Variants in RNF175 observed in about 807,000 individuals in gnomAD.
RNF175 encodes the protein ring finger protein 175.
RNF175 carries 38 observed loss-of-function variants against 50.0 expected under a neutral mutation model. The ratio of observed to expected loss-of-function variants is 0.76; its 90% CI spans 0.59 to 1.00. The LOEUF is 1.00. RNF175 is among the 50% of genes least tolerant of loss of function. RNF175 has a pLI of 0.00. For synonymous variants in RNF175, 155 were observed against 146.1 expected (o/e 1.06, Z -0.44); for missense variants, 388 against 409.6 (o/e 0.95, Z 0.46).
chr4:153,734,665 C>CTTTTTTTTTTTTTTTTTT (rs56211482), intron 3 of RNF175, among the ~76,000 whole-genome samples: 5 of 73,178 alleles, frequency 6.8e-5, no homozygotes, highest in African/African-American at 1.7e-4. Flanking sequence ...TTTTTTTATT[C>CTTTTTTTTTTTTTTTTTT]TTTTTTTTTT....
At chr4:153,725,574 T>C (rs890032533) in intron 4 of RNF175, among the ~76,000 whole-genome samples, 2 of 152,240 alleles carry the variant, frequency 1.3e-5, no homozygotes, top group Non-Finnish European at 2.9e-5. Context: ...AAGCGGTTTG[T>C]TGAATTAATG....
At chr4:153,717,084 C>T (rs940189445) in intron 6 of RNF175, among the ~76,000 whole-genome samples, 2 of 152,076 alleles carry the variant, frequency 1.3e-5, no homozygotes, top group African/African-American at 4.8e-5. Context: ...CTATTCTCTT[C>T]CACTTATTTA....
rs200790774 is a variant in RNF175 at position 153,710,544 on chromosome 4, A to G, written c.867-55T>C. 5.1e-4 allele frequency: 786 copies of G among 1,534,002 alleles called. 7 individuals are homozygous for G. The highest frequency in any genetic ancestry group is 9.7e-4 in the Admixed American group (55 of 56,466). On this transcript the variant is annotated intron_variant, in intron 8 of 8. Transcript: ENST00000347063. ...ATACAGCCAAGTAGCAGAAATATTC[A>G]TAAATGTCATTTGCAAATATAATAA...
chr4:153,734,586 A>G (rs980971449), intron 3 of RNF175, among the ~76,000 whole-genome samples: 2 of 150,656 alleles, frequency 1.3e-5, no homozygotes, highest in African/African-American at 4.9e-5. Flanking sequence ...TTGAGTTTTA[A>G]GTATATTTTG....
intron 5 of RNF175, chr4:153,721,262 A>C (rs1250260496): frequency 6.6e-6 from 1 of 152,200 alleles, no homozygotes; most frequent in Non-Finnish European, 1.5e-5. Context: ...TCTATCTATA[A>C]AACAATCTCA....
At chr4:153,741,244 A>T (rs1343817112) in intron 3 of RNF175, among the ~76,000 whole-genome samples, 1 of 152,176 alleles carries the variant, frequency 6.6e-6, no homozygotes, top group Admixed American at 6.5e-5. Flanking sequence ...ATATTGGATG[A>T]GGCTCTGATC....
chr4:153,757,683 T>A (rs1357297890), intron 1 of RNF175, among the ~76,000 whole-genome samples: 1 of 151,850 alleles, frequency 6.6e-6, no homozygotes, highest in Non-Finnish European at 1.5e-5. Context: ...TCCTCTCAGC[T>A]CTCAGGAGAA....
At chr4:153,713,909 TTC>T (rs1266709329) in intron 7 of RNF175, 1 of 152,218 alleles carries the variant, frequency 6.6e-6, no homozygotes, top group Non-Finnish European at 1.5e-5. Context: ...CTCTCTAATG[TTC>T]TTTTTCATTT....
At chr4:153,734,316 C>T (rs1002587071) in intron 3 of RNF175, among the ~76,000 whole-genome samples, 5 of 152,168 alleles carry the variant, frequency 3.3e-5, no homozygotes, top group African/African-American at 9.7e-5. Flanking sequence ...TTCCCAACAA[C>T]GAGAGTTCCT....
chr4:153,723,368 T>C lies in RNF175; in HGVS notation c.492A>G (p.Gly164=), dbSNP rs1489082449. 3 of 1,568,012 alleles carry C rather than the reference T, an allele frequency of 1.9e-6. No individual in the cohort carries two copies. Among genetic ancestry groups the C allele is most frequent in the Non-Finnish European group, 2.6e-6 (3 of 1,138,502 alleles). Residue 164 remains glycine (G), a synonymous_variant, in exon 5 of 9, where the codon GGA becomes GGG. Transcript: ENST00000347063. ...GYLAIMFTMC[G]FNLFFKIKAR... ...ATACTTACTTGAAAAACAGATTGAA[T>C]CCACACATTGTAAACATGATCGCCA...
chr4:153,724,426 T>C (rs1270112551), intron 4 of RNF175, among the ~76,000 whole-genome samples: 1 of 152,214 alleles, frequency 6.6e-6, no homozygotes, highest in East Asian at 1.9e-4. Context: ...AGAAAGCTGC[T>C]TACAAGGGTG....
chr4:153,729,863 T>A (rs1056064584), intron 3 of RNF175: 5 of 930,292 alleles, frequency 5.4e-6, no homozygotes, highest in Non-Finnish European at 6.4e-6. Flanking sequence ...TTTTTGTTTT[T>A]TAACTTCAAG....
At chr4:153,738,722 T>C (rs1739483939) in intron 3 of RNF175, among the ~76,000 whole-genome samples, 1 of 152,258 alleles carries the variant, frequency 6.6e-6, no homozygotes. Flanking sequence ...TTGAAGTGAT[T>C]ATTGATATAG....
chr4:153,738,845 T>C (rs559289171), intron 3 of RNF175, among the ~76,000 whole-genome samples: 1 of 152,206 alleles, frequency 6.6e-6, no homozygotes, highest in Non-Finnish European at 1.5e-5. Flanking sequence ...TTTTATGAGA[T>C]TCCATTTTCT....
intron 1 of RNF175, among the ~76,000 whole-genome samples, chr4:153,755,395 AAC>A (rs532426483): frequency 9.0e-4 from 137 of 152,384 alleles, no homozygotes; most frequent in South Asian, 2.9e-3. Flanking sequence ...GACACAAGTG[AAC>A]AGTCAAAGAT....
chr4:153,728,050 T>G (rs1738807833), intron 4 of RNF175, among the ~76,000 whole-genome samples, 157 bp downstream of exon 4: 1 of 152,208 alleles, frequency 6.6e-6, no homozygotes, highest in Non-Finnish European at 1.5e-5. Flanking sequence ...CTAAGACCAG[T>G]GTAGCTAATT....
intron 5 of RNF175, among the ~76,000 whole-genome samples, chr4:153,721,989 C>G (rs1484917611): frequency 6.6e-6 from 1 of 152,240 alleles, no homozygotes; most frequent in Admixed American, 6.5e-5. Context: ...GATTGCTATG[C>G]TGCCATAGGA....
intron 2 of RNF175, 86 bp from the exon 3 acceptor site, chr4:153,748,872 C>CA: frequency 7.6e-7 from 1 of 1,323,120 alleles, no homozygotes; most frequent in Non-Finnish European, 1.0e-6. Flanking sequence ...AACAAAAAAA[C>CA]AAAAAACAGG....
At chr4:153,732,243 A>AG (rs894769845) in intron 3 of RNF175, among the ~76,000 whole-genome samples, 1 of 149,686 alleles carries the variant, frequency 6.7e-6, no homozygotes, top group Non-Finnish European at 1.5e-5. Context: ...AAAAAAAAAA[A>AG]CAAAAACAAA....
Sources: allele counts gnomAD v4.1 joint callset (sites outside exome capture counted in the v4.1 genomes callset), GRCh38; gene constraint gnomAD v4.1.1; transcripts MANE v1.5; gene names NCBI Gene and HGNC (gene_info 2026-07-23, HGNC 2026-07-21).